The following PLA2G4C variants were observed in gnomAD, a reference collection of about 807,000 sequenced individuals.
The protein encoded by PLA2G4C is cytosolic phospholipase A2 gamma.
Under a neutral mutation model 73.8 loss-of-function variants are expected in PLA2G4C, and 64 were observed. That is an observed-to-expected ratio of 0.87 (90% CI 0.71 to 1.07). The LOEUF is 1.07. Among genes scored for constraint, PLA2G4C ranks in the 50% least tolerant of loss-of-function variants. The pLI is 0.00. For synonymous variants in PLA2G4C, 254 were observed against 252.1 expected (o/e 1.01, Z -0.07); for missense variants, 622 against 665.4 (o/e 0.93, Z 0.72).
rs199804364 is a variant in PLA2G4C at position 48,074,759 on chromosome 19, C to T, written c.1006+8G>A. 78 of 1,590,490 alleles carry T rather than the reference C, an allele frequency of 4.9e-5. No individual in the cohort carries two copies. The Admixed American group carries it at 5.8e-4, about 12-fold the overall frequency. ...TGTTGATGACACTTATCACACTACA[C>T]ATGGTACCTTTCCTTTCGGGGTCCT... is the stretch of plus-strand genomic sequence containing the variant. On this transcript the variant is annotated splice_region_variant and intron_variant, in intron 12 of 16. Coordinates refer to ENST00000599921, the MANE Select transcript of PLA2G4C (RefSeq NM_003706.3).
At chr19:48,073,412 C>T (rs2029924291) in intron 12 of PLA2G4C, among the ~76,000 whole-genome samples, 1 of 152,026 alleles carries the variant, frequency 6.6e-6, no homozygotes, top group African/African-American at 2.4e-5. Context: ...CCTGTCTATT[C>T]TCCATCTCGT....
intron 16 of PLA2G4C, among the ~76,000 whole-genome samples, chr19:48,050,672 A>ATTTTTTTTTTTTTT (rs1568418524): frequency 2.9e-4 from 7 of 24,242 alleles, no homozygotes; most frequent in Admixed American, 6.4e-4. Flanking sequence ...TGAGTATGTG[A>ATTTTTTTTTTTTTT]CTTTTTTTTT....
chr19:48,051,586 G>C (rs1967727898), intron 16 of PLA2G4C, among the ~76,000 whole-genome samples: 2 of 143,368 alleles, frequency 1.4e-5, no homozygotes, highest in South Asian at 4.6e-4. Context: ...AGAGAGAGCA[G>C]GGGAAACTGC....
intron 16 of PLA2G4C, among the ~76,000 whole-genome samples, chr19:48,050,850 A>T (rs1489546775): frequency 6.6e-6 from 1 of 150,522 alleles, no homozygotes; most frequent in Admixed American, 6.7e-5. Context: ...ATTTTTTTGT[A>T]CTTTTAGTAG....
intron 15 of PLA2G4C, among the ~76,000 whole-genome samples, chr19:48,053,895 G>A (rs1393852683): frequency 6.6e-6 from 1 of 152,162 alleles, no homozygotes; most frequent in East Asian, 1.9e-4. Flanking sequence ...CTGGATGCTA[G>A]GCCTTCCAAG....
chr19:48,106,490 T>A, intron 2 of PLA2G4C, 32 bp downstream of exon 2: 1 of 1,546,696 alleles, frequency 6.5e-7, no homozygotes, highest in Non-Finnish European at 8.9e-7. Flanking sequence ...ATGCTCTGCT[T>A]CCCCATAGTG....
At chr19:48,105,930 C>CTTTCTTT (rs1568457508) in intron 2 of PLA2G4C, among the ~76,000 whole-genome samples, 4 of 30,016 alleles carry the variant, frequency 1.3e-4, no homozygotes, top group African/African-American at 7.4e-4. Context: ...TCCCTCCCTC[C>CTTTCTTT]CTCCCTCCCT....
intron 9 of PLA2G4C, among the ~76,000 whole-genome samples, chr19:48,087,946 A>C (rs545520761): frequency 0.02 from 3,062 of 151,850 alleles, 108 homozygotes; most frequent in African/African-American, 0.069. Context: ...CAAAAAAAAA[A>C]AAAAAAAATC....
At chr19:48,091,397 C>T (rs1568445409) in intron 7 of PLA2G4C, among the ~76,000 whole-genome samples, 1 of 151,852 alleles carries the variant, frequency 6.6e-6, no homozygotes, top group African/African-American at 2.4e-5. Flanking sequence ...CATGTTGGCC[C>T]GTCTGGTCTT....
At chr19:48,096,443 C>A (rs575584084) in intron 6 of PLA2G4C, among the ~76,000 whole-genome samples, 23 of 152,112 alleles carry the variant, frequency 1.5e-4, no homozygotes, top group African/African-American at 5.3e-4. Flanking sequence ...ATTAGCCAGG[C>A]GTGGTGGTGC....
intron 4 of PLA2G4C, chr19:48,103,926 G>A (rs1462366871): frequency 6.6e-6 from 1 of 151,548 alleles, no homozygotes; most frequent in Non-Finnish European, 1.5e-5. Flanking sequence ...TTTTTTTTGA[G>A]ACAGGGTCTC....
At chr19:48,059,528 G>A (rs543879373) in intron 14 of PLA2G4C, among the ~76,000 whole-genome samples, 10 of 152,150 alleles carry the variant, frequency 6.6e-5, no homozygotes, top group Admixed American at 3.3e-4. Flanking sequence ...CAGTGTGGGC[G>A]GACACCCTCC....
intron 13 of PLA2G4C, among the ~76,000 whole-genome samples, chr19:48,064,303 C>T (rs1728376417): frequency 6.6e-6 from 1 of 151,916 alleles, no homozygotes. Flanking sequence ...GTGGCACCTG[C>T]CTGTAATCTC....
intron 14 of PLA2G4C, 65 bp downstream of exon 14, chr19:48,061,933 G>A (rs143459132): frequency 1.2e-5 from 18 of 1,547,438 alleles, no homozygotes; most frequent in African/African-American, 9.6e-5. Context: ...CAGTTCCTCC[G>A]CAAAGTCAGC....
intron 14 of PLA2G4C, among the ~76,000 whole-genome samples, chr19:48,057,978 G>A (rs1223830733): frequency 4.0e-5 from 6 of 150,892 alleles, no homozygotes; most frequent in East Asian, 4.0e-4. Flanking sequence ...GACTACAGGC[G>A]TGAGCCACCA....
At chr19:48,048,988 CT>C (rs1005879792) in intron 16 of PLA2G4C, among the ~76,000 whole-genome samples, 3 of 152,064 alleles carry the variant, frequency 2.0e-5, no homozygotes, top group African/African-American at 4.8e-5. Context: ...TAAAAGGAAA[CT>C]GGTGCTTTCC....
At chr19:48,058,592 C>A (rs1271077548) in intron 14 of PLA2G4C, among the ~76,000 whole-genome samples, 2 of 152,010 alleles carry the variant, frequency 1.3e-5, no homozygotes, top group South Asian at 2.1e-4. Context: ...CTGAGGTGGG[C>A]GGATCACCTG....
intron 13 of PLA2G4C, among the ~76,000 whole-genome samples, chr19:48,065,633 T>C (rs374746449): frequency 2.0e-5 from 3 of 151,602 alleles, no homozygotes; most frequent in East Asian, 3.9e-4. Context: ...TAAATAAATA[T>C]ATGGAAAATA....
At chr19:48,087,659 G>C (rs1350951580) in intron 9 of PLA2G4C, among the ~76,000 whole-genome samples, 1 of 152,144 alleles carries the variant, frequency 6.6e-6, no homozygotes, top group Non-Finnish European at 1.5e-5. Flanking sequence ...GCACAGCCAG[G>C]CATGGTGGCT....
Sources: allele counts gnomAD v4.1 joint callset (sites outside exome capture counted in the v4.1 genomes callset), GRCh38; gene constraint gnomAD v4.1.1; transcripts MANE v1.5; gene names NCBI Gene and HGNC (gene_info 2026-07-23, HGNC 2026-07-21).